The following SHLD1 variants were observed in gnomAD, a reference collection of about 807,000 sequenced individuals.
SHLD1 encodes the protein RINN1-REV7-interacting novel NHEJ regulator 3.
In SHLD1, 3 loss-of-function variants were observed where a neutral mutation model predicts 5.5. The observed-to-expected ratio is 0.54, with a 90% CI of 0.25 to 1.40. The LOEUF (loss-of-function observed/expected upper bound fraction) is 1.40, where lower values mean the gene tolerates loss of function less well. SHLD1 is among the 40% of genes most tolerant of loss of function. The probability of loss-of-function intolerance (pLI) is 0.15; values close to 1 mark genes in which losing one functional copy is unlikely to be tolerated. For synonymous variants in SHLD1, 92 were observed against 94.3 expected, an observed-to-expected ratio of 0.98 and a Z score of 0.14; for missense variants, 210 against 244.4, an observed-to-expected ratio of 0.86 and a Z score of 0.94.
At chr20:5,816,371 G>GT (rs2087530909) in intron 2 of SHLD1, among the ~76,000 whole-genome samples, 1 of 152,164 alleles carries the variant, frequency 6.6e-6, no homozygotes, top group Non-Finnish European at 1.5e-5. Context: ...GTTCTACTGC[G>GT]TATATTCGGG....
chr20:5,824,564 GA>G (rs1210849163), intron 2 of SHLD1, among the ~76,000 whole-genome samples: 1 of 151,178 alleles, frequency 6.6e-6, no homozygotes, highest in African/African-American at 2.4e-5. Context: ...GCAAAATGAT[GA>G]ATAATTAATT....
chr20:5,762,145 G>A (rs141265564), intron 1 of SHLD1, among the ~76,000 whole-genome samples: 6,299 of 151,550 alleles, frequency 0.042, 412 homozygotes, highest in African/African-American at 0.14. Context: ...CCAGCTACTC[G>A]GGAGGCTGAG....
At chr20:5,770,268 G>A (rs574571003) in intron 1 of SHLD1, among the ~76,000 whole-genome samples, 2 of 152,244 alleles carry the variant, frequency 1.3e-5, no homozygotes, top group East Asian at 1.9e-4. Context: ...GTGTTGCTGC[G>A]AAGTTGTAGG....
chr20:5,856,006 C>G (rs1451047701), intron 2 of SHLD1, among the ~76,000 whole-genome samples: 1 of 152,188 alleles, frequency 6.6e-6, no homozygotes, highest in African/African-American at 2.4e-5. Flanking sequence ...CTCTGTTGGT[C>G]TGGGTTCTGG....
At chr20:5,790,451 CTT>C (rs71197798) in intron 2 of SHLD1, among the ~76,000 whole-genome samples, 323 of 91,074 alleles carry the variant, frequency 3.5e-3, no homozygotes, top group African/African-American at 6.1e-3. Flanking sequence ...TAAAGGATTT[CTT>C]TTTTTTTTTT....
At chr20:5,813,981 C>G (rs2087494752) in intron 2 of SHLD1, among the ~76,000 whole-genome samples, 2 of 106,890 alleles carry the variant, frequency 1.9e-5, no homozygotes, top group Non-Finnish European at 1.7e-5. Flanking sequence ...GAGACAGGGT[C>G]TCACTCTGTC....
intron 2 of SHLD1, among the ~76,000 whole-genome samples, chr20:5,799,625 C>T (rs2097227920): frequency 6.6e-6 from 1 of 151,960 alleles, no homozygotes; most frequent in Admixed American, 6.6e-5. Flanking sequence ...TCTGTTATCA[C>T]AGGCCAGCTC....
intron 2 of SHLD1, among the ~76,000 whole-genome samples, chr20:5,785,393 C>T (rs907921490): frequency 1.3e-5 from 2 of 152,150 alleles, no homozygotes; most frequent in African/African-American, 4.8e-5. Context: ...ATTAATGTTA[C>T]CCACAGACTG....
At chr20:5,828,389 C>T (rs1054850208) in intron 2 of SHLD1, among the ~76,000 whole-genome samples, 1 of 152,084 alleles carries the variant, frequency 6.6e-6, no homozygotes, top group Non-Finnish European at 1.5e-5. Flanking sequence ...TATAACATAT[C>T]GTAACCTTAA....
At chr20:5,792,176 T>C (rs1352269618) in intron 2 of SHLD1, among the ~76,000 whole-genome samples, 3 of 152,198 alleles carry the variant, frequency 2.0e-5, no homozygotes, top group African/African-American at 7.2e-5. Flanking sequence ...CTGTTGATTA[T>C]GTCCTTTGAT....
chr20:5,862,962 T>G lies in SHLD1; in HGVS notation c.179-62T>G. On this transcript the variant is annotated intron_variant, in intron 2 of 2. Coordinates refer to ENST00000303142, the MANE Select transcript of SHLD1 (RefSeq NM_152504.4). ...ACTGAAAATAGACATCATCTGCTCT[T>G]GGCTTGCTTTCTGATATTTTTGATT... is the stretch of plus-strand genomic sequence containing the variant. The G allele has an allele frequency of 7.0e-6, 10 of 1,421,116 alleles. No homozygotes were observed. In the South Asian group the frequency reaches 1.2e-4, roughly 18 times the overall value. The allele number at this position is 1,421,116 out of a possible 1,614,324, so 88.0% of individuals were successfully genotyped here. A position where few individuals can be genotyped will look rare whatever the true frequency, so the allele number is the denominator to read the frequency against.
At chr20:5,778,864 C>G (rs1332631315) in intron 2 of SHLD1, among the ~76,000 whole-genome samples, 1 of 152,166 alleles carries the variant, frequency 6.6e-6, no homozygotes, top group African/African-American at 2.4e-5. Context: ...GTTGATTTTT[C>G]TGTAAACATT....
At chr20:5,794,970 G>A (rs2087190290) in intron 2 of SHLD1, among the ~76,000 whole-genome samples, 1 of 152,102 alleles carries the variant, frequency 6.6e-6, no homozygotes, top group South Asian at 2.1e-4. Flanking sequence ...CGAGCTTGGT[G>A]GCTCACACCT....
chr20:5,804,787 C>T (rs1198103677), intron 2 of SHLD1, among the ~76,000 whole-genome samples: 1 of 152,152 alleles, frequency 6.6e-6, no homozygotes, highest in East Asian at 1.9e-4. Flanking sequence ...ACTTTGAAAA[C>T]TTGAAGTGTT....
intron 2 of SHLD1, among the ~76,000 whole-genome samples, chr20:5,815,138 G>A (rs1294700): frequency 0.21 from 32,215 of 152,002 alleles, 3,985 homozygotes; most frequent in Non-Finnish European, 0.27. Flanking sequence ...GAGCAGATAC[G>A]CTTGTTGGAT....
intron 2 of SHLD1, among the ~76,000 whole-genome samples, chr20:5,776,308 AG>A (rs1458824249): frequency 3.3e-5 from 5 of 152,172 alleles, no homozygotes; most frequent in Non-Finnish European, 5.9e-5. Flanking sequence ...GGAAAGTCTA[AG>A]GTCAAGGTGC....
At chr20:5,766,548 G>T (rs1984838814) in intron 1 of SHLD1, among the ~76,000 whole-genome samples, 1 of 152,134 alleles carries the variant, frequency 6.6e-6, no homozygotes, top group African/African-American at 2.4e-5. Context: ...TAGCTTGGCT[G>T]CTTTCGAGAT....
chr20:5,811,581 A>C (rs1244877025), intron 2 of SHLD1, among the ~76,000 whole-genome samples: 1 of 152,172 alleles, frequency 6.6e-6, no homozygotes, highest in African/African-American at 2.4e-5. Context: ...GAGGCTGGGC[A>C]TGGTGGCTCA....
intron 2 of SHLD1, among the ~76,000 whole-genome samples, chr20:5,859,652 T>A (rs1426044288): frequency 6.6e-6 from 1 of 152,208 alleles, no homozygotes; most frequent in Admixed American, 6.5e-5. Context: ...AACAGCCTTA[T>A]GATTAGAGAG....
Sources: allele counts gnomAD v4.1 joint callset (sites outside exome capture counted in the v4.1 genomes callset), GRCh38; gene constraint gnomAD v4.1.1; transcripts MANE v1.5; gene names NCBI Gene and HGNC (gene_info 2026-07-23, HGNC 2026-07-21).